The following CDKAL1 variants were observed in gnomAD, a reference collection of about 807,000 sequenced individuals.
CDKAL1 encodes CDKAL1 threonylcarbamoyladenosine tRNA methylthiotransferase, also known as threonylcarbamoyladenosine tRNA methylthiotransferase.
CDKAL1 carries 32 observed loss-of-function variants against 68.2 expected under a neutral mutation model. The observed-to-expected ratio is 0.47, with a 90% CI of 0.35 to 0.63. CDKAL1 has a LOEUF of 0.63. CDKAL1 is among the 30% of genes least tolerant of loss of function. The pLI is 0.00. For missense variants in CDKAL1, 606 were observed against 696.7 expected (o/e 0.87, Z 1.47); for synonymous variants, 234 against 244.3 (o/e 0.96, Z 0.39).
chr6:20,884,038 A>G (rs1022410613), intron 9 of CDKAL1, among the ~76,000 whole-genome samples: 7 of 152,170 alleles, frequency 4.6e-5, no homozygotes, highest in Non-Finnish European at 1.0e-4. Flanking sequence ...AAAATTATAG[A>G]CTGATAGCCC....
rs147195852 is a variant in CDKAL1 at position 20,939,168 on chromosome 6, T to C, written c.743-16251T>C. ...GCTTTCGTTCTATTTGGGGGTGGGG[T>C]GGAGAGGCAATACACAGTAAACATA... is the stretch of plus-strand genomic sequence containing the variant. On this transcript the variant is annotated intron_variant, in intron 9 of 15. Transcript: ENST00000274695. Among the ~76,000 whole-genome samples, 809 of 152,186 alleles carry C rather than the reference T, an allele frequency of 5.3e-3. 9 individuals are homozygous for C. In the Middle Eastern group the frequency reaches 0.065, roughly 12 times the overall value.
At chr6:21,172,861 TAAA>T (rs1777441429) in intron 13 of CDKAL1, among the ~76,000 whole-genome samples, 1 of 152,224 alleles carries the variant, frequency 6.6e-6, no homozygotes, top group Non-Finnish European at 1.5e-5. Context: ...TTTCCTTTGT[TAAA>T]AATTTTTGAA....
At chr6:21,145,807 G>A (rs1776137780) in intron 13 of CDKAL1, among the ~76,000 whole-genome samples, 1 of 152,134 alleles carries the variant, frequency 6.6e-6, no homozygotes, top group Admixed American at 6.5e-5. Context: ...GGCAGACATG[G>A]CAGTATCACT....
chr6:20,620,827 T>C (rs1581838592), intron 4 of CDKAL1, among the ~76,000 whole-genome samples: 1 of 152,160 alleles, frequency 6.6e-6, no homozygotes, highest in Non-Finnish European at 1.5e-5. Flanking sequence ...TGCCTCTCTT[T>C]CCCTGCCATA....
intron 4 of CDKAL1, chr6:20,558,626 A>G: frequency 2.2e-6 from 1 of 456,216 alleles, no homozygotes; most frequent in Admixed American, 2.4e-5. Flanking sequence ...TCTAAGAAGG[A>G]ATTGAGTTAA....
chr6:20,546,500 A>G lies in CDKAL1; in HGVS notation c.150A>G (p.Glu50=), dbSNP rs1763610059. ...ATACCCAAAAATATTTGCAAGAGGA[A>G]GAAAACAGTCCACCAAGTGACAGGT... ...RRNTQKYLQE[E]ENSPPSDSTI... The change falls in exon 3 of 16, where the codon GAA becomes GAG. Residue 50 remains glutamate (E), a synonymous_variant. Coordinates refer to ENST00000274695, the MANE Select transcript of CDKAL1 (RefSeq NM_017774.3). 6.2e-7 allele frequency: 1 copy of G among 1,613,924 alleles called. No individual in the cohort carries two copies. The highest frequency in any genetic ancestry group is 8.5e-7 in the Non-Finnish European group (1 of 1,179,932).
At chr6:20,820,584 G>T (rs901623143) in intron 8 of CDKAL1, among the ~76,000 whole-genome samples, 6 of 152,116 alleles carry the variant, frequency 3.9e-5, no homozygotes, top group Non-Finnish European at 8.8e-5. Context: ...TCTATTTCCA[G>T]TTCCATGAGG....
At chr6:20,796,564 A>G (rs1350054818) in intron 8 of CDKAL1, among the ~76,000 whole-genome samples, 1 of 152,214 alleles carries the variant, frequency 6.6e-6, no homozygotes, top group East Asian at 1.9e-4. Context: ...TGGAGGAATC[A>G]CACCATCCTA....
intron 11 of CDKAL1, among the ~76,000 whole-genome samples, chr6:21,014,767 A>G (rs980094085): frequency 6.6e-6 from 1 of 152,168 alleles, no homozygotes; most frequent in Non-Finnish European, 1.5e-5. Context: ...TTGTTCTCAT[A>G]TGGTGACAAA....
intron 13 of CDKAL1, among the ~76,000 whole-genome samples, chr6:21,126,714 G>A (rs1331026211): frequency 6.6e-6 from 1 of 152,068 alleles, no homozygotes; most frequent in Non-Finnish European, 1.5e-5. Context: ...CTGATAACCT[G>A]ACATTTCCCT....
intron 8 of CDKAL1, among the ~76,000 whole-genome samples, chr6:20,790,607 C>T (rs1013893822): frequency 3.9e-5 from 6 of 152,284 alleles, no homozygotes; most frequent in African/African-American, 7.2e-5. Context: ...CCACTGGAGG[C>T]GCCCTGCCCA....
At chr6:21,227,536 T>C (rs1779795443) in intron 15 of CDKAL1, among the ~76,000 whole-genome samples, 1 of 152,240 alleles carries the variant, frequency 6.6e-6, no homozygotes, top group African/African-American at 2.4e-5. Flanking sequence ...AGAGACAGGA[T>C]GCATTTACCC....
At chr6:20,675,366 G>A (rs1770040555) in intron 5 of CDKAL1, among the ~76,000 whole-genome samples, 1 of 152,144 alleles carries the variant, frequency 6.6e-6, no homozygotes, top group African/African-American at 2.4e-5. Context: ...TTCTGTATAT[G>A]TTCTTTAGAA....
chr6:20,667,115 T>C (rs1769585081), intron 5 of CDKAL1, among the ~76,000 whole-genome samples: 1 of 152,220 alleles, frequency 6.6e-6, no homozygotes, highest in Admixed American at 6.5e-5. Context: ...AATATACTTG[T>C]CCTGAATGGC....
At chr6:20,976,258 T>G (rs1006616064) in intron 10 of CDKAL1, among the ~76,000 whole-genome samples, 9 of 152,218 alleles carry the variant, frequency 5.9e-5, no homozygotes, top group African/African-American at 2.2e-4. Context: ...CTTATCACTA[T>G]AGTAGAATTC....
intron 10 of CDKAL1, among the ~76,000 whole-genome samples, chr6:20,970,410 G>A (rs1379531378): frequency 6.6e-6 from 1 of 152,160 alleles, no homozygotes; most frequent in Non-Finnish European, 1.5e-5. Context: ...TTCTGAAAAA[G>A]TTGACTGACA....
intron 11 of CDKAL1, among the ~76,000 whole-genome samples, chr6:21,037,801 G>A (rs1056972385): frequency 4.0e-5 from 6 of 149,950 alleles, no homozygotes; most frequent in African/African-American, 1.5e-4. Context: ...TAAAGATTAT[G>A]CGATTTACAT....
intron 12 of CDKAL1, among the ~76,000 whole-genome samples, chr6:21,066,107 T>G (rs561526944): frequency 3.0e-4 from 45 of 152,216 alleles, no homozygotes; most frequent in African/African-American, 9.4e-4. Flanking sequence ...TTGTTACTGT[T>G]TTTCTGTTAT....
At chr6:21,086,259 C>CT in intron 12 of CDKAL1, among the ~76,000 whole-genome samples, 1 of 152,210 alleles carries the variant, frequency 6.6e-6, no homozygotes, top group African/African-American at 2.4e-5. Flanking sequence ...TACTCTGCTT[C>CT]TTAAATATTG....
Sources: allele counts gnomAD v4.1 joint callset (sites outside exome capture counted in the v4.1 genomes callset), GRCh38; gene constraint gnomAD v4.1.1; transcripts MANE v1.5; gene names NCBI Gene and HGNC (gene_info 2026-07-23, HGNC 2026-07-21).